The following PFKM variants were observed in gnomAD, a reference collection of about 807,000 sequenced individuals.
The protein encoded by PFKM is phosphofructokinase, muscle, also known as ATP-dependent 6-phosphofructokinase, muscle type.
PFKM carries 58 observed loss-of-function variants against 95.5 expected under a neutral mutation model. The ratio of observed to expected loss-of-function variants is 0.61; its 90% CI spans 0.49 to 0.76. The LOEUF is 0.76. Among genes scored for constraint, PFKM ranks in the 30% least tolerant of loss-of-function variants. The probability of loss-of-function intolerance (pLI) is 0.00; values close to 1 mark genes in which losing one functional copy is unlikely to be tolerated. For missense variants in PFKM, 678 were observed against 1,005.4 expected, an observed-to-expected ratio of 0.67 and a Z score of 4.40; for synonymous variants, 336 against 357.2, an observed-to-expected ratio of 0.94 and a Z score of 0.67.
At chr12:48,139,460 G>A (rs920071444) in intron 12 of PFKM, 111 bp downstream of exon 12, 27 of 833,530 alleles carry the variant, frequency 3.2e-5, no homozygotes, top group Non-Finnish European at 4.2e-5. Flanking sequence ...TTCCTTTTCT[G>A]ATTCTCTCTG....
At position 48,145,871 on chromosome 12, in the gene PFKM, G is replaced by A. The variant is rs370250637; in HGVS notation, c.*163G>A. 678 of 685,962 alleles carry A rather than the reference G, an allele frequency of 9.9e-4. 9 individuals are homozygous for A. The South Asian group carries it at 0.012, about 12-fold the overall frequency. The allele number at this position is 685,962 out of a possible 1,614,324, so 42.5% of individuals were successfully genotyped here. ...TGGCCAGGAGCTGGAGGAGCAGGCA[G>A]TGGGTGGGAGCTCCTTTTAGGTAGA... On this transcript the variant is annotated 3_prime_UTR_variant, in exon 23 of 23. Transcript: ENST00000359794. The surrounding 1 kb of genome is among the most constrained non-coding windows in gnomAD (Gnocchi z 4.3).
At chr12:48,114,955 G>T (rs1448434787), upstream of PFKM, among the ~76,000 whole-genome samples, 1 of 152,176 alleles carries the variant, frequency 6.6e-6, no homozygotes, top group South Asian at 2.1e-4. Flanking sequence ...TAAGGCAGAA[G>T]AAGGAGGAAT....
intron 1 of PFKM, 114 bp from the exon 2 acceptor site, chr12:48,122,653 G>T: frequency 6.4e-7 from 1 of 1,555,454 alleles, no homozygotes; most frequent in East Asian, 2.3e-5. Flanking sequence ...GCTCAGACTT[G>T]GTATAGTGGG....
chr12:48,126,881 G>C (rs1056320154), intron 2 of PFKM, among the ~76,000 whole-genome samples: 4 of 152,194 alleles, frequency 2.6e-5, no homozygotes, highest in Admixed American at 6.5e-5. Flanking sequence ...TGAAGGCTTT[G>C]TGTTGACTTT....
At chr12:48,140,628 C>A in intron 13 of PFKM, 94 bp from the exon 14 acceptor site, 4 of 1,209,442 alleles carry the variant, frequency 3.3e-6, no homozygotes, top group Non-Finnish European at 4.9e-6. Context: ...CCCTGGATGA[C>A]AAGGGCTTAG....
chr12:48,136,288 C>A (rs1416961283), intron 10 of PFKM, among the ~76,000 whole-genome samples: 2 of 152,180 alleles, frequency 1.3e-5, no homozygotes. Context: ...TAATATGCAA[C>A]CCTTTAGGAT....
At chr12:48,120,154 A>G (rs1223604283) in intron 1 of PFKM, among the ~76,000 whole-genome samples, 1 of 152,152 alleles carries the variant, frequency 6.6e-6, no homozygotes, top group East Asian at 1.9e-4. Context: ...CTTTTTGGAA[A>G]ACAGCAGAAA....
At chr12:48,107,355 CTA>C in intron 1 of PFKM, 1 of 1,555,928 alleles carries the variant, frequency 6.4e-7, no homozygotes, top group Non-Finnish European at 8.8e-7. Flanking sequence ...AACTCTGTCT[CTA>C]TTTCTAGGAG....
chr12:48,135,912 GCACC>G (rs1950037331), intron 10 of PFKM, among the ~76,000 whole-genome samples: 6 of 150,710 alleles, frequency 4.0e-5, no homozygotes, highest in Non-Finnish European at 8.9e-5. Flanking sequence ...TTTTTGAGAC[GCACC>G]ATTGCACTCG....
At chr12:48,141,258 C>A in intron 14 of PFKM, 53 bp from the exon 15 acceptor site, 1 of 1,528,136 alleles carries the variant, frequency 6.5e-7, no homozygotes, top group Non-Finnish European at 9.1e-7. Context: ...CAGTCCCACA[C>A]AGGCCTCCTA....
rs370310908 is a variant in PFKM at position 48,139,363 on chromosome 12, G to A, written c.1127+14G>A. On this transcript the variant is annotated intron_variant, in intron 12 of 22. Coordinates refer to ENST00000359794, the MANE Select transcript of PFKM (RefSeq NM_000289.6). ...GCTGAGAGGCCGGTGAGGAGATGAC[G>A]GGAAGCTCACTAGCTACAGAAATCA... The A allele has an allele frequency of 1.3e-5, 21 of 1,606,290 alleles. No homozygotes were observed. The highest frequency in any genetic ancestry group is 1.6e-5 in the Non-Finnish European group (19 of 1,173,214).
At position 48,138,134 on chromosome 12, in the gene PFKM, T is replaced by A. The variant is rs10875749; in HGVS notation, c.1062+288T>A. Among the ~76,000 whole-genome samples the A allele has an allele frequency of 0.71, 107,679 of 152,136 alleles. 39,044 individuals carry two copies. The highest frequency in any genetic ancestry group is 0.99 in the East Asian group (5,115 of 5,170). On this transcript the variant is annotated intron_variant, in intron 11 of 22. Transcript: ENST00000359794. Reference sequence around the variant, plus strand: ...ATATACAACCTCAAACCTTTTTATCTTGTCTTTATTGGAAGAATAATGCTA... The same window carrying A: ...ATATACAACCTCAAACCTTTTTATCATGTCTTTATTGGAAGAATAATGCTA...
intron 13 of PFKM, among the ~76,000 whole-genome samples, chr12:48,140,210 A>G (rs1009453687): frequency 1.2e-4 from 18 of 152,344 alleles, no homozygotes; most frequent in African/African-American, 4.3e-4. Context: ...TCTCTGGGAA[A>G]ATATGGGAAT....
intron 2 of PFKM, among the ~76,000 whole-genome samples, chr12:48,128,384 G>T (rs1042302800): frequency 1.3e-5 from 2 of 152,066 alleles, no homozygotes; most frequent in Non-Finnish European, 2.9e-5. Context: ...GGACTATAGG[G>T]ATGCACCATT....
chr12:48,123,460 T>G (rs920246309), intron 2 of PFKM, among the ~76,000 whole-genome samples: 2 of 152,144 alleles, frequency 1.3e-5, no homozygotes, highest in African/African-American at 4.8e-5. Flanking sequence ...TAGGTTGAAT[T>G]TAAGAAACCT....
In PFKM at chr12:48,145,947, C is replaced by T; in HGVS notation, c.*239C>T. 1 of 552,442 alleles carries T rather than the reference C, an allele frequency of 1.8e-6. No individual in the cohort carries two copies. Among genetic ancestry groups the T allele is most frequent in the South Asian group, 2.1e-5 (1 of 46,526 alleles). The allele number at this position is 552,442 out of a possible 1,614,324, so 34.2% of individuals were successfully genotyped here. On this transcript the variant is annotated 3_prime_UTR_variant, in exon 23 of 23. Coordinates refer to ENST00000359794, the MANE Select transcript of PFKM (RefSeq NM_000289.6). The surrounding 1 kb of genome is among the most constrained non-coding windows in gnomAD (Gnocchi z 4.3). Reference sequence around the variant, plus strand: ...TTATCTGTCACACAAGGCTGGGCACCTCTAGTGCTACTGCTAGATATCACT... The same window carrying T: ...TTATCTGTCACACAAGGCTGGGCACTTCTAGTGCTACTGCTAGATATCACT...
At chr12:48,109,069 G>A (rs1946958066) in intron 3 of PFKM, among the ~76,000 whole-genome samples, 1 of 152,210 alleles carries the variant, frequency 6.6e-6, no homozygotes, top group Admixed American at 6.5e-5. Flanking sequence ...TGTAGGAAAT[G>A]AGAAAATGAA....
chr12:48,145,856 C>G lies in PFKM; in HGVS notation c.*148C>G. ...AGCCATGACCAGTTCTGGCCAGGAG[C>G]TGGAGGAGCAGGCAGTGGGTGGGAG... is the stretch of plus-strand genomic sequence containing the variant. On this transcript the variant is annotated 3_prime_UTR_variant, in exon 23 of 23. Coordinates refer to ENST00000359794, the MANE Select transcript of PFKM (RefSeq NM_000289.6). This position sits in a 1 kb window ranked among gnomAD's most constrained non-coding sequence, Gnocchi z 4.3. 2 of 818,132 alleles carry G rather than the reference C, an allele frequency of 2.4e-6. No homozygotes were observed. The highest frequency in any genetic ancestry group is 3.2e-5 in the South Asian group (2 of 61,778). 50.7% of individuals were successfully genotyped at this position (818,132 alleles called of 1,614,324 possible). A position where few individuals can be genotyped will look rare whatever the true frequency, so the allele number is the denominator to read the frequency against.
chr12:48,145,813 T>G lies in PFKM; in HGVS notation c.*105T>G. Reference sequence around the variant, plus strand: ...TAGCTGTTTTTTTCATTAGGTTTCCTTTTATTCTGTACCTTGCAGCCATGA... The same window carrying G: ...TAGCTGTTTTTTTCATTAGGTTTCCGTTTATTCTGTACCTTGCAGCCATGA... On this transcript the variant is annotated 3_prime_UTR_variant, in exon 23 of 23. Transcript: ENST00000359794. The surrounding 1 kb of genome is among the most constrained non-coding windows in gnomAD (Gnocchi z 4.3). 1 of 1,292,630 alleles carries G rather than the reference T, an allele frequency of 7.7e-7. No homozygotes were observed. Among genetic ancestry groups the G allele is most frequent in the Non-Finnish European group, 1.1e-6 (1 of 897,482 alleles). 80.1% of individuals were successfully genotyped at this position (1,292,630 alleles called of 1,614,324 possible). A position where few individuals can be genotyped will look rare whatever the true frequency, so the allele number is the denominator to read the frequency against.
Sources: allele counts gnomAD v4.1 joint callset (sites outside exome capture counted in the v4.1 genomes callset), GRCh38; gene constraint gnomAD v4.1.1; non-coding constraint Gnocchi (gnomAD v3.1); transcripts MANE v1.5; gene names NCBI Gene and HGNC (gene_info 2026-07-23, HGNC 2026-07-21).